LLGL2: variants seen among roughly 807,000 people sequenced by gnomAD.
LLGL2 encodes the protein LLGL scribble cell polarity complex component 2, also known as LLGL2, scribble cell polarity complex component.
Under a neutral mutation model 123.2 loss-of-function variants are expected in LLGL2, and 81 were observed. The ratio of observed to expected loss-of-function variants is 0.66; its 90% confidence interval spans 0.55 to 0.79. The LOEUF (loss-of-function observed/expected upper bound fraction) is 0.79. Ranked by LOEUF, LLGL2 falls within the 30% of genes least tolerant of loss-of-function variation. The pLI is 0.00. For synonymous variants in LLGL2, 577 were observed against 594.1 expected, an observed-to-expected ratio of 0.97 and a Z score of 0.42; for missense variants, 1,273 against 1,414.6, an observed-to-expected ratio of 0.90 and a Z score of 1.61.
chr17:75,531,269 G>C (rs923355723), intron 1 of LLGL2, among the ~76,000 whole-genome samples: 6 of 152,220 alleles, frequency 3.9e-5, no homozygotes, highest in African/African-American at 1.2e-4. Flanking sequence ...GGTGGCCCAT[G>C]AGCCCCTGCC....
At chr17:75,552,462 C>T (rs548666506) in intron 2 of LLGL2, among the ~76,000 whole-genome samples, 2 of 152,308 alleles carry the variant, frequency 1.3e-5, no homozygotes, top group African/African-American at 2.4e-5. Context: ...GCACTCCAGG[C>T]GTGACAGGCG....
intron 23 of LLGL2, 77 bp from the exon 24 acceptor site, chr17:75,574,376 C>G (rs1277379676): frequency 6.5e-7 from 1 of 1,536,154 alleles, no homozygotes; most frequent in South Asian, 1.2e-5. Flanking sequence ...TGGGCACCCA[C>G]GGAGAAAGGG....
rs2054111051 is a variant in LLGL2 at position 75,539,039 on chromosome 17, CT to C, written c.-30-4356del. 2.0e-5 allele frequency among the ~76,000 whole-genome samples: 3 copies of C among 152,144 alleles called. No individual in the cohort carries two copies. In the South Asian group the frequency reaches 6.2e-4, roughly 32 times the overall value. The stretch of plus-strand genomic sequence containing the variant: ...TCCCAAGTAGCTGGGACCACAGGTG[CT>C]TGACACCATGCCTGGCTAATCCTTT... On this transcript the variant is annotated intron_variant, in intron 1 of 25. Transcript: ENST00000392550.
chr17:75,556,056 A>G lies in LLGL2; in HGVS notation c.86A>G (p.His29Arg), dbSNP rs920473906. Residue 29 changes from histidine (H) to arginine (R), a missense_variant, in exon 3 of 26, where the codon CAT becomes CGT. Coordinates refer to ENST00000392550, the MANE Select transcript of LLGL2 (RefSeq NM_001031803.2). ...TGCTTCTCGTTGCAGACGGTGGAGC[A>G]TGGCTTCCCGCACCAGCCCAGCGCC... Reference protein sequence around the residue: ...DLFQFNKTVEHGFPHQPSALG... With the variant: ...DLFQFNKTVERGFPHQPSALG... 6.2e-7 allele frequency: 1 copy of G among 1,608,848 alleles called. No individual in the cohort carries two copies. The highest frequency in any genetic ancestry group is 8.5e-7 in the Non-Finnish European group (1 of 1,179,898).
Position 75,570,435 on chromosome 17 carries a change from C to A in LLGL2, c.1962C>A (p.Phe654Leu). 1 of 1,603,202 alleles carries A rather than the reference C, an allele frequency of 6.2e-7. No homozygotes were observed. The highest frequency in any genetic ancestry group is 2.3e-5 in the East Asian group (1 of 44,380). ...KSLKKSLRQS[F>L]RRMRRSRVSS... ...TCAAGAAGTCCTTGCGTCAGTCATT[C>A]CGCCGGATGCGTCGGAGCCGGGTGT... The change falls in exon 16 of 26, where the codon TTC becomes TTA. Residue 654 changes from phenylalanine (F) to leucine (L), a missense_variant. Phe to Leu is a conservative substitution (Grantham distance 22). Transcript: ENST00000392550.
intron 22 of LLGL2, 95 bp downstream of exon 22, chr17:75,574,075 T>C (rs1377940828): frequency 1.4e-5 from 22 of 1,548,482 alleles, no homozygotes; most frequent in African/African-American, 2.7e-5. Flanking sequence ...GAGCAGGTAG[T>C]GTTTGGGCTG....
At chr17:75,555,231 T>C (rs2054854230) in intron 2 of LLGL2, among the ~76,000 whole-genome samples, 1 of 150,860 alleles carries the variant, frequency 6.6e-6, no homozygotes, top group South Asian at 2.1e-4. Context: ...ACTCGAAGGA[T>C]GTACACTTAG....
chr17:75,534,313 G>T (rs1417061310), intron 1 of LLGL2, among the ~76,000 whole-genome samples: 1 of 152,240 alleles, frequency 6.6e-6, no homozygotes, highest in Non-Finnish European at 1.5e-5. Flanking sequence ...TCCTCTTGGG[G>T]TTGTGGGATG....
chr17:75,571,069 C>T lies in LLGL2; in HGVS notation c.2145C>T (p.Thr715=). The stretch of plus-strand genomic sequence containing the variant: ...ACTCCTTCACAGGCTTCGTCCGGAC[C>T]CTGTACTTTGCTGACACCTACCTGA... ...AEDSFTGFVR[T]LYFADTYLKD... The change falls in exon 17 of 26, where the codon ACC becomes ACT. Residue 715 remains threonine, a synonymous_variant. Transcript: ENST00000392550. The T allele has an allele frequency of 6.2e-7, 1 of 1,612,650 alleles. No individual in the cohort carries two copies. Among genetic ancestry groups the T allele is most frequent in the Non-Finnish European group, 8.5e-7 (1 of 1,179,750 alleles).
chr17:75,573,655 C>CGG, intron 21 of LLGL2, 24 bp downstream of exon 21: 5 of 1,462,466 alleles, frequency 3.4e-6, no homozygotes, highest in African/African-American at 1.8e-5. Context: ...CCAGAGGCCT[C>CGG]TCCCGCCCCT....
At chr17:75,528,052 G>A (rs1385730911) in intron 1 of LLGL2, among the ~76,000 whole-genome samples, 1 of 151,932 alleles carries the variant, frequency 6.6e-6, no homozygotes, top group Admixed American at 6.6e-5. Context: ...CAAAGTGTTA[G>A]GATTACAGGC....
intron 1 of LLGL2, among the ~76,000 whole-genome samples, chr17:75,534,147 A>T (rs938399489): frequency 1.3e-5 from 2 of 152,260 alleles, no homozygotes; most frequent in Non-Finnish European, 1.5e-5. Flanking sequence ...GCTTTCTGCC[A>T]GTCACTTCCC....
Position 75,567,634 on chromosome 17 carries a change from A to C in LLGL2, c.1037-842A>C, listed in dbSNP as rs535896720. Among the ~76,000 whole-genome samples, 8 of 149,210 alleles carry C rather than the reference A, an allele frequency of 5.4e-5. No homozygotes were observed. In the East Asian group the frequency reaches 1.6e-3, roughly 30 times the overall value. ...AGCCTGGGTGACAGAGCAAGACTCC[A>C]TCTCAAAAAAAAAAGAGAAAAAAAA... On this transcript the variant is annotated intron_variant, in intron 10 of 25. Transcript: ENST00000392550.
chr17:75,563,721 G>A, intron 8 of LLGL2, 31 bp from the exon 9 acceptor site: 1 of 1,613,512 alleles, frequency 6.2e-7, no homozygotes, highest in Non-Finnish European at 8.5e-7. Context: ...AGAGTTTGAG[G>A]ATCCGTTCAA....
chr17:75,558,134 C>G lies in LLGL2; in HGVS notation c.174-21C>G, dbSNP rs1244155029. On this transcript the variant is annotated intron_variant, in intron 3 of 25. Transcript: ENST00000392550. The surrounding 1 kb of genome is among the most constrained non-coding windows in gnomAD (Gnocchi z 4.0). ...GGGGATGGTGTCCGACCTTCCAGAG[C>G]TTTCCTGAGCCTACTCCTAGCTACG... 6.2e-7 allele frequency: 1 copy of G among 1,612,588 alleles called. No individual in the cohort carries two copies.
chr17:75,574,063 G>C (rs1335050666), intron 22 of LLGL2, 83 bp downstream of exon 22: 4 of 1,550,262 alleles, frequency 2.6e-6, no homozygotes. Context: ...AGGGTCCCGA[G>C]TGAGCAGGTA....
chr17:75,567,299 A>G (rs532467189), intron 10 of LLGL2, among the ~76,000 whole-genome samples: 1 of 152,144 alleles, frequency 6.6e-6, no homozygotes, highest in Non-Finnish European at 1.5e-5. Context: ...CCCTGTCTCT[A>G]CTAAAAATAA....
intron 2 of LLGL2, chr17:75,546,244 T>A (rs1413809848): frequency 6.6e-6 from 1 of 152,206 alleles, no homozygotes; most frequent in Non-Finnish European, 1.5e-5. Context: ...TGAGGAAAAG[T>A]AATGTATTTT....
intron 2 of LLGL2, among the ~76,000 whole-genome samples, chr17:75,546,658 ACAGG>A (rs1183359507): frequency 7.4e-4 from 19 of 25,762 alleles, no homozygotes; most frequent in African/African-American, 2.1e-3. Context: ...GGTCCAGCAG[ACAGG>A]CGGAGGGCAG....
Sources: gnomAD v4.1 joint callset for allele counts (sites outside exome capture counted in the v4.1 genomes callset) on GRCh38, gnomAD v4.1.1 for gene constraint, Gnocchi (gnomAD v3.1) non-coding constraint, MANE v1.5 for transcripts, NCBI Gene and HGNC (gene_info 2026-07-23, HGNC 2026-07-21) for gene names.